Variants in ELK4 observed in about 807,000 individuals in gnomAD.
ELK4 encodes the protein ETS transcription factor ELK4.
In ELK4, 16 loss-of-function variants were observed where a neutral mutation model predicts 29.6. That is an observed-to-expected ratio of 0.54 (90% CI 0.37 to 0.82). ELK4 has a LOEUF of 0.82. ELK4 is among the 40% of genes least tolerant of loss of function. The pLI, the probability that ELK4 is intolerant of heterozygous loss-of-function variation, is 0.00. For synonymous variants in ELK4, 213 were observed against 191.1 expected, an observed-to-expected ratio of 1.11 and a Z score of -0.95; for missense variants, 465 against 507.1, an observed-to-expected ratio of 0.92 and a Z score of 0.80.
In ELK4 at chr1:205,612,701, A is replaced by C. The variant is rs538948007; in HGVS notation, c.*3845T>G. ...AATCATAGTAGAAAGTCAGATCAGG[A>C]TGAAACAATGTTGTCAGACTGGACG... On this transcript the variant is annotated 3_prime_UTR_variant, in exon 5 of 5. Coordinates refer to ENST00000357992, the MANE Select transcript of ELK4 (RefSeq NM_001973.4). 17 of 209,878 alleles carry C rather than the reference A, an allele frequency of 8.1e-5. No individual in the cohort carries two copies. Among genetic ancestry groups the C allele is most frequent in the African/African-American group, 3.9e-4 (17 of 44,146 alleles). The allele number at this position is 209,878 out of a possible 1,614,324, so 13.0% of individuals were successfully genotyped here.
At position 205,615,593 on chromosome 1, in the gene ELK4, T is replaced by C. The variant is rs1199412612; in HGVS notation, c.*953A>G. On this transcript the variant is annotated 3_prime_UTR_variant, in exon 5 of 5. Coordinates refer to ENST00000357992, the MANE Select transcript of ELK4 (RefSeq NM_001973.4). ...GAAAAAGACAGGTCCTTCACTTGGT[T>C]ATCTTCTAATTGAGAAAACCACTAC... is the stretch of plus-strand genomic sequence containing the variant. 5.1e-6 allele frequency: 1 copy of C among 194,478 alleles called. No individual in the cohort carries two copies. Among genetic ancestry groups the C allele is most frequent in the East Asian group, 8.1e-5 (1 of 12,410 alleles). The allele number at this position is 194,478 out of a possible 1,614,324, so 12.0% of individuals were successfully genotyped here.
At chr1:205,618,716 C>T (rs1416155558) in intron 4 of ELK4, among the ~76,000 whole-genome samples, 11 of 152,074 alleles carry the variant, frequency 7.2e-5, no homozygotes, top group Non-Finnish European at 8.8e-5. Flanking sequence ...TTAGCTACTC[C>T]GGAGGCTGAG....
At chr1:205,617,982 TGTGAGA>T (rs1425077397) in intron 4 of ELK4, among the ~76,000 whole-genome samples, 1 of 135,652 alleles carries the variant, frequency 7.4e-6, no homozygotes, top group Non-Finnish European at 1.6e-5. Context: ...TGTGTGTGTG[TGTGAGA>T]GAGAGAGAGA....
intron 1 of ELK4, among the ~76,000 whole-genome samples, chr1:205,625,294 TAAA>T (rs34460220): frequency 2.0e-5 from 3 of 148,136 alleles, no homozygotes. Context: ...CGCCTACGAC[TAAA>T]AAAAAAAAAG....
chr1:205,618,891 T>G (rs1670278754), intron 4 of ELK4, 66 bp downstream of exon 4: 1 of 1,196,456 alleles, frequency 8.4e-7, no homozygotes, highest in African/African-American at 1.5e-5. Flanking sequence ...AGTGGGACCC[T>G]GCCTTTTTGC....
At chr1:205,625,171 A>C (rs763333022) in intron 1 of ELK4, among the ~76,000 whole-genome samples, 1 of 152,192 alleles carries the variant, frequency 6.6e-6, no homozygotes, top group Non-Finnish European at 1.5e-5. Flanking sequence ...ACAAAATTTA[A>C]AATTGTTGTG....
chr1:205,619,087 A>T lies in ELK4; in HGVS notation c.1081-14T>A. On this transcript the variant is annotated splice_polypyrimidine_tract_variant and intron_variant, in intron 3 of 4. Coordinates refer to ENST00000357992, the MANE Select transcript of ELK4 (RefSeq NM_001973.4). ...TATGATGGGTGTCTGCAATACACAA[A>T]GCAAAAATATTCACTGACTGACTTA... 6.6e-7 allele frequency: 1 copy of T among 1,512,898 alleles called. No individual in the cohort carries two copies. Among genetic ancestry groups the T allele is most frequent in the Admixed American group, 2.2e-5 (1 of 44,828 alleles). The allele number at this position is 1,512,898 out of a possible 1,614,324, so 93.7% of individuals were successfully genotyped here. A position where few individuals can be genotyped will look rare whatever the true frequency, so the allele number is the denominator to read the frequency against.
At chr1:205,624,831 T>TCC (rs1670421917) in intron 1 of ELK4, among the ~76,000 whole-genome samples, 1 of 152,080 alleles carries the variant, frequency 6.6e-6, no homozygotes, top group Non-Finnish European at 1.5e-5. Flanking sequence ...TGCCAAATAT[T>TCC]CCCCCAGGGG....
At chr1:205,623,181 A>T (rs907137645) in intron 2 of ELK4, among the ~76,000 whole-genome samples, 19 of 151,262 alleles carry the variant, frequency 1.3e-4, no homozygotes, top group Non-Finnish European at 2.1e-4. Flanking sequence ...AAAAAGAAGA[A>T]GATTTGGTAG....
In ELK4 at chr1:205,610,827, C is replaced by A; in HGVS notation, c.*5719G>T. On this transcript the variant is annotated 3_prime_UTR_variant, in exon 5 of 5. Transcript: ENST00000357992. ...CAATACATCAGTATATATGCATACACATACATTTACTAGGACAATAAATCA... is the reference window on the plus strand; with the variant it reads ...CAATACATCAGTATATATGCATACAAATACATTTACTAGGACAATAAATCA... The A allele has an allele frequency of 4.3e-6, 1 of 231,422 alleles. No homozygotes were observed. 14.3% of individuals were successfully genotyped at this position (231,422 alleles called of 1,614,324 possible).
intron 1 of ELK4, among the ~76,000 whole-genome samples, chr1:205,627,731 A>G (rs779750063): frequency 6.6e-5 from 10 of 152,228 alleles, no homozygotes; most frequent in African/African-American, 4.8e-5. Flanking sequence ...TTAAGGGTCA[A>G]CTATACCTAC....
At chr1:205,629,020 A>G (rs938496279) in intron 1 of ELK4, among the ~76,000 whole-genome samples, 1 of 152,022 alleles carries the variant, frequency 6.6e-6, no homozygotes, top group Non-Finnish European at 1.5e-5. Flanking sequence ...TAAAAATACA[A>G]ACAATTAGCC....
chr1:205,624,214 G>C (rs151256228), intron 1 of ELK4, among the ~76,000 whole-genome samples: 3 of 152,316 alleles, frequency 2.0e-5, no homozygotes, highest in African/African-American at 7.2e-5. Flanking sequence ...GATAAAGCTA[G>C]TTCCCTAAAT....
At chr1:205,630,141 A>T (rs1258888933) in intron 1 of ELK4, among the ~76,000 whole-genome samples, 1 of 152,192 alleles carries the variant, frequency 6.6e-6, no homozygotes, top group African/African-American at 2.4e-5. Flanking sequence ...TTCTTACAGG[A>T]ATCCCGAGTT....
chr1:205,610,582 G>C lies in ELK4; in HGVS notation c.*5964C>G, dbSNP rs2102372409. 1 of 230,302 alleles carries C rather than the reference G, an allele frequency of 4.3e-6. No homozygotes were observed. Among genetic ancestry groups the C allele is most frequent in the Non-Finnish European group, 8.6e-6 (1 of 116,260 alleles). The allele number at this position is 230,302 out of a possible 1,614,324, so 14.3% of individuals were successfully genotyped here. Reference sequence around the variant, plus strand: ...GAACAGTTTACTATGACTTTGTTTAGAGTATGTCACATGTAAGCAGTGTAT... The same window carrying C: ...GAACAGTTTACTATGACTTTGTTTACAGTATGTCACATGTAAGCAGTGTAT... On this transcript the variant is annotated 3_prime_UTR_variant, in exon 5 of 5. Transcript: ENST00000357992.
At position 205,613,469 on chromosome 1, in the gene ELK4, G is replaced by A. The variant is rs1421993486; in HGVS notation, c.*3077C>T. On this transcript the variant is annotated 3_prime_UTR_variant, in exon 5 of 5. Coordinates refer to ENST00000357992, the MANE Select transcript of ELK4 (RefSeq NM_001973.4). ...TTATGTGAAAATCCACTCTTGGGTG[G>A]AGTAAATGCAATGGTTTGCCAGCAC... The A allele has an allele frequency of 5.4e-6, 1 of 184,800 alleles. No individual in the cohort carries two copies. The highest frequency in any genetic ancestry group is 8.7e-5 in the East Asian group (1 of 11,458). 11.4% of individuals were successfully genotyped at this position (184,800 alleles called of 1,614,324 possible).
At chr1:205,618,649 C>A (rs1196853682) in intron 4 of ELK4, among the ~76,000 whole-genome samples, 2 of 152,066 alleles carry the variant, frequency 1.3e-5, no homozygotes, top group Non-Finnish European at 2.9e-5. Flanking sequence ...CATGGTCAAA[C>A]CCTGTCTCAC....
intron 1 of ELK4, among the ~76,000 whole-genome samples, chr1:205,631,141 G>A (rs532773838): frequency 6.6e-6 from 1 of 152,144 alleles, no homozygotes. Context: ...GGGGCGGGGG[G>A]CCGCTGGAGC....
chr1:205,619,600 G>A lies in ELK4; in HGVS notation c.1080+366C>T, dbSNP rs1461355574. 3 of 1,233,658 alleles carry A rather than the reference G, an allele frequency of 2.4e-6. No homozygotes were observed. The African/African-American group carries it at 4.7e-5, about 19-fold the overall frequency. The allele number at this position is 1,233,658 out of a possible 1,614,324, so 76.4% of individuals were successfully genotyped here. On this transcript the variant is annotated intron_variant, in intron 3 of 4. Coordinates refer to ENST00000357992, the MANE Select transcript of ELK4 (RefSeq NM_001973.4). ...ACATCACACCAGTCATTTTTCTTAT[G>A]GTTCTCAGGACCTACTGTTTTCTAA... is the stretch of plus-strand genomic sequence containing the variant.
Sources: gnomAD v4.1 joint callset for allele counts (sites outside exome capture counted in the v4.1 genomes callset) on GRCh38, gnomAD v4.1.1 for gene constraint, MANE v1.5 for transcripts, NCBI Gene and HGNC (gene_info 2026-07-23, HGNC 2026-07-21) for gene names.